NIM1K: variants seen among roughly 807,000 people sequenced by gnomAD.
NIM1K encodes the protein NIM1 serine/threonine protein kinase, also known as serine/threonine-protein kinase NIM1.
A neutral mutation model predicts 37.1 loss-of-function variants in NIM1K; 35 were observed. The ratio of observed to expected loss-of-function variants is 0.94; its 90% CI spans 0.72 to 1.25. The LOEUF (loss-of-function observed/expected upper bound fraction) is 1.25. Ranked by LOEUF, NIM1K falls within the 50% of genes most tolerant of loss-of-function variation. The pLI is 0.00. For missense variants in NIM1K, 564 were observed against 548.0 expected (o/e 1.03, Z -0.29); for synonymous variants, 234 against 206.6 (o/e 1.13, Z -1.14).
chr5:43,247,348 C>T (rs528311477), intron 2 of NIM1K, among the ~76,000 whole-genome samples: 10 of 152,280 alleles, frequency 6.6e-5, no homozygotes, highest in South Asian at 4.1e-4. Flanking sequence ...TTACTTCATA[C>T]GGTATCATAA....
At chr5:43,250,461 A>G (rs577164307) in intron 2 of NIM1K, among the ~76,000 whole-genome samples, 1 of 152,318 alleles carries the variant, frequency 6.6e-6, no homozygotes, top group African/African-American at 2.4e-5. Context: ...GATTTCTCTC[A>G]GCATACATTC....
chr5:43,242,386 G>A (rs1391144740), intron 1 of NIM1K, among the ~76,000 whole-genome samples: 1 of 151,806 alleles, frequency 6.6e-6, no homozygotes, highest in Non-Finnish European at 1.5e-5. Flanking sequence ...GAGATGGAGG[G>A]GAGCAGGTGC....
At chr5:43,201,352 T>A (rs1185626331) in intron 1 of NIM1K, among the ~76,000 whole-genome samples, 1 of 150,574 alleles carries the variant, frequency 6.6e-6, no homozygotes, top group Non-Finnish European at 1.5e-5. Flanking sequence ...GAGCTTGCAG[T>A]GAGCGGAGAT....
intron 1 of NIM1K, among the ~76,000 whole-genome samples, chr5:43,213,237 CCTTT>C (rs1200257178): frequency 2.1e-5 from 2 of 93,116 alleles, no homozygotes; most frequent in African/African-American, 8.5e-5. Context: ...TTCTTTTCTT[CCTTT>C]CTTTCTTTCT....
intron 2 of NIM1K, among the ~76,000 whole-genome samples, chr5:43,275,187 A>G (rs1318637731): frequency 6.6e-6 from 1 of 152,236 alleles, no homozygotes; most frequent in South Asian, 2.1e-4. Flanking sequence ...CCAGATTTTT[A>G]TCTATGCAAA....
chr5:43,228,296 G>A (rs1386825554), intron 1 of NIM1K, among the ~76,000 whole-genome samples: 3 of 151,632 alleles, frequency 2.0e-5, no homozygotes, highest in Admixed American at 6.6e-5. Flanking sequence ...ACAGGTGCCC[G>A]CCACCACACC....
At chr5:43,220,469 A>G (rs1752365275) in intron 1 of NIM1K, among the ~76,000 whole-genome samples, 1 of 152,048 alleles carries the variant, frequency 6.6e-6, no homozygotes, top group African/African-American at 2.4e-5. Context: ...TATATTTAAT[A>G]GAGACAGAGT....
chr5:43,233,539 T>C (rs1407482892), intron 1 of NIM1K, among the ~76,000 whole-genome samples: 3 of 152,254 alleles, frequency 2.0e-5, no homozygotes, highest in Non-Finnish European at 4.4e-5. Context: ...AACACTCTTT[T>C]CCTTATCCAT....
intron 1 of NIM1K, among the ~76,000 whole-genome samples, chr5:43,200,363 C>T (rs1420020914): frequency 1.3e-5 from 2 of 151,556 alleles, no homozygotes; most frequent in East Asian, 2.0e-4. Flanking sequence ...TGCAGTGACG[C>T]GATCTCGGCT....
chr5:43,246,096 C>T lies in NIM1K; in HGVS notation c.292+29C>T, dbSNP rs776036222. The T allele has an allele frequency of 3.8e-6, 6 of 1,579,670 alleles. No individual in the cohort carries two copies. The Admixed American group carries it at 1.0e-4, about 27-fold the overall frequency. On this transcript the variant is annotated intron_variant, in intron 2 of 3. Transcript: ENST00000326035. ...GGATCCGACTTCCCAAGGGTCATCC[C>T]TGGCAGTATTGGGACCTAGTGTAGG...
intron 2 of NIM1K, among the ~76,000 whole-genome samples, chr5:43,264,284 G>A (rs1033154331): frequency 6.6e-6 from 1 of 152,222 alleles, no homozygotes; most frequent in African/African-American, 2.4e-5. Context: ...CTATGGACTT[G>A]TTTTATGAAT....
At chr5:43,205,980 G>A (rs1752104691) in intron 1 of NIM1K, among the ~76,000 whole-genome samples, 1 of 152,064 alleles carries the variant, frequency 6.6e-6, no homozygotes, top group Non-Finnish European at 1.5e-5. Flanking sequence ...CCAAAGTGCT[G>A]GGATTACAGG....
chr5:43,280,747 G>T lies in NIM1K; in HGVS notation c.*18G>T. The T allele has an allele frequency of 1.3e-6, 2 of 1,543,094 alleles. No individual in the cohort carries two copies. The highest frequency in any genetic ancestry group is 1.7e-6 in the Non-Finnish European group (2 of 1,146,752). Reference sequence around the variant, plus strand: ...TTTTATAAATTGCACTAGACTGCTTGTAACTAACCAAGATGATTGTTGCTG... The same window carrying T: ...TTTTATAAATTGCACTAGACTGCTTTTAACTAACCAAGATGATTGTTGCTG... On this transcript the variant is annotated 3_prime_UTR_variant, in exon 4 of 4. Transcript: ENST00000326035.
intron 1 of NIM1K, chr5:43,242,933 C>CT: frequency 6.6e-6 from 1 of 151,196 alleles, no homozygotes; most frequent in African/African-American, 2.5e-5. Context: ...TCCCAAGTAG[C>CT]TGGGATTACA....
intron 1 of NIM1K, among the ~76,000 whole-genome samples, chr5:43,205,154 T>C (rs919913402): frequency 3.3e-5 from 5 of 152,198 alleles, no homozygotes; most frequent in African/African-American, 1.2e-4. Context: ...AGTGTTAGGT[T>C]CCACTGCACA....
At chr5:43,220,185 G>A (rs899654156) in intron 1 of NIM1K, among the ~76,000 whole-genome samples, 6 of 151,698 alleles carry the variant, frequency 4.0e-5, no homozygotes, top group African/African-American at 1.5e-4. Context: ...TCATCCAAGA[G>A]TTTTATATCT....
At chr5:43,231,929 C>T (rs1278395938) in intron 1 of NIM1K, 4 of 949,084 alleles carry the variant, frequency 4.2e-6, no homozygotes, top group South Asian at 3.8e-5. Flanking sequence ...CTCCTTCCTC[C>T]CTTCTCTCAC....
chr5:43,231,889 C>G, intron 1 of NIM1K: 1 of 1,090,262 alleles, frequency 9.2e-7, no homozygotes, highest in East Asian at 3.9e-5. Flanking sequence ...TTCTCAAGGG[C>G]AGTCATGTCC....
At chr5:43,206,899 C>G in intron 1 of NIM1K, 1 of 768,396 alleles carries the variant, frequency 1.3e-6, no homozygotes. Flanking sequence ...AGAATTTACC[C>G]ACATGGATTG....
Sources: allele counts gnomAD v4.1 joint callset (sites outside exome capture counted in the v4.1 genomes callset), GRCh38; gene constraint gnomAD v4.1.1; transcripts MANE v1.5; gene names NCBI Gene and HGNC (gene_info 2026-07-23, HGNC 2026-07-21).